SHC4: variants seen among roughly 807,000 people sequenced by gnomAD.
SHC4 encodes the protein SHC-transforming protein 4.
In SHC4, 41 loss-of-function variants were observed where a neutral mutation model predicts 69.4. The observed-to-expected ratio is 0.59, with a 90% CI of 0.46 to 0.77. The LOEUF (loss-of-function observed/expected upper bound fraction) is 0.77. Ranked by LOEUF, SHC4 falls within the 30% of genes least tolerant of loss-of-function variation. The probability of loss-of-function intolerance (pLI) is 0.00; values close to 1 mark genes in which losing one functional copy is unlikely to be tolerated. For synonymous variants in SHC4, 318 were observed against 299.3 expected, an observed-to-expected ratio of 1.06 and a Z score of -0.64; for missense variants, 777 against 783.8, an observed-to-expected ratio of 0.99 and a Z score of 0.10.
intron 9 of SHC4, among the ~76,000 whole-genome samples, chr15:48,848,031 C>CA (rs1219268239): frequency 0.01 from 1,479 of 143,042 alleles, 17 homozygotes; most frequent in African/African-American, 0.036. Context: ...AAAAAACAAA[C>CA]AAAAAAAACA....
rs1368126296 is a variant in SHC4, at chr15:48,946,659, T to C, written c.585+15772A>G. ...TTTTTCACTGGATGGCTGTTCCCCA[T>C]TCCTTGCTTATCTTTCTTGCTCTCT... is the stretch of plus-strand genomic sequence containing the variant. On this transcript the variant is annotated intron_variant, in intron 1 of 11. Transcript: ENST00000332408. 5 of 911,412 alleles carry C rather than the reference T, an allele frequency of 5.5e-6. No individual in the cohort carries two copies. In the African/African-American group the frequency reaches 9.0e-5, roughly 16 times the overall value. The allele number at this position is 911,412 out of a possible 1,614,324, so 56.5% of individuals were successfully genotyped here. A position where few individuals can be genotyped will look rare whatever the true frequency, so the allele number is the denominator to read the frequency against.
At chr15:48,845,259 A>T (rs1335826350) in intron 9 of SHC4, among the ~76,000 whole-genome samples, 1 of 152,196 alleles carries the variant, frequency 6.6e-6, no homozygotes, top group Non-Finnish European at 1.5e-5. Context: ...ATGGAAAGTA[A>T]GAATACATCA....
chr15:48,868,416 A>C (rs1056181908), intron 5 of SHC4, among the ~76,000 whole-genome samples: 1 of 152,204 alleles, frequency 6.6e-6, no homozygotes, highest in African/African-American at 2.4e-5. Flanking sequence ...TATTTGATCA[A>C]TATACAGAAA....
At chr15:48,888,515 T>C (rs1448448798) in intron 3 of SHC4, among the ~76,000 whole-genome samples, 1 of 152,016 alleles carries the variant, frequency 6.6e-6, no homozygotes, top group Admixed American at 6.6e-5. Flanking sequence ...TTTTGCAAGA[T>C]CAAAAGAGTT....
chr15:48,825,091 T>C lies in SHC4; in HGVS notation c.*880A>G, dbSNP rs1373736553. The C allele has an allele frequency of 1.3e-5, 2 of 152,560 alleles. No homozygotes were observed. Among genetic ancestry groups the C allele is most frequent in the South Asian group, 4.1e-4 (2 of 4,826 alleles). The allele number at this position is 152,560 out of a possible 1,614,324, so 9.5% of individuals were successfully genotyped here. A position where few individuals can be genotyped will look rare whatever the true frequency, so the allele number is the denominator to read the frequency against. On this transcript the variant is annotated 3_prime_UTR_variant, in exon 12 of 12. Coordinates refer to ENST00000332408, the MANE Select transcript of SHC4 (RefSeq NM_203349.4). ...CTAAGAATGAAACCAATTTGAATAG[T>C]AAATATGAAGAATACTGGTTTTGTT...
At chr15:48,886,374 A>T (rs1030032556) in intron 3 of SHC4, among the ~76,000 whole-genome samples, 2 of 152,182 alleles carry the variant, frequency 1.3e-5, no homozygotes, top group Admixed American at 6.5e-5. Flanking sequence ...TTTTGTTCTC[A>T]CCATAACCTT....
intron 11 of SHC4, 68 bp downstream of exon 11, chr15:48,834,701 G>A: frequency 6.3e-7 from 1 of 1,575,250 alleles, no homozygotes; most frequent in Non-Finnish European, 8.6e-7. Flanking sequence ...ACCAGGTTTT[G>A]GAAATCATTC....
intron 11 of SHC4, among the ~76,000 whole-genome samples, chr15:48,834,436 T>C (rs1450240945): frequency 6.6e-6 from 1 of 152,228 alleles, no homozygotes; most frequent in Non-Finnish European, 1.5e-5. Context: ...TTTATTAAAT[T>C]ATCAGCACTC....
chr15:48,832,921 CT>C (rs1380026297), intron 11 of SHC4, among the ~76,000 whole-genome samples: 2 of 152,028 alleles, frequency 1.3e-5, no homozygotes, highest in Non-Finnish European at 2.9e-5. Context: ...TTCTTTCTCT[CT>C]GTTGATATTC....
intron 1 of SHC4, among the ~76,000 whole-genome samples, chr15:48,935,298 C>A (rs149005446): frequency 0.01 from 1,525 of 152,228 alleles, 21 homozygotes; most frequent in African/African-American, 0.035. Context: ...CCTTTGGGAT[C>A]CCAGAACACC....
At chr15:48,948,878 C>T (rs1376363826) in intron 1 of SHC4, among the ~76,000 whole-genome samples, 3 of 151,998 alleles carry the variant, frequency 2.0e-5, no homozygotes, top group Non-Finnish European at 4.4e-5. Flanking sequence ...TGTATCCCAC[C>T]CTGGGTGACA....
intron 3 of SHC4, among the ~76,000 whole-genome samples, chr15:48,889,630 G>A (rs1222945583): frequency 6.6e-6 from 1 of 152,198 alleles, no homozygotes; most frequent in Non-Finnish European, 1.5e-5. Context: ...GGATCATGAG[G>A]TCAGGAGATC....
At chr15:48,904,440 A>G (rs1261532365) in intron 2 of SHC4, among the ~76,000 whole-genome samples, 1 of 152,232 alleles carries the variant, frequency 6.6e-6, no homozygotes, top group Non-Finnish European at 1.5e-5. Flanking sequence ...ACCATGTTTG[A>G]TCTCTTCAAC....
chr15:48,878,965 C>T, intron 4 of SHC4: 1 of 464,778 alleles, frequency 2.2e-6, no homozygotes, highest in Non-Finnish European at 4.0e-6. Context: ...AATCAATTAT[C>T]AAGAACGTCC....
chr15:48,899,908 T>C (rs1567064848), intron 2 of SHC4, among the ~76,000 whole-genome samples: 1 of 152,176 alleles, frequency 6.6e-6, no homozygotes, highest in Non-Finnish European at 1.5e-5. Flanking sequence ...TTAACAAACC[T>C]TCCAAGTGAT....
At chr15:48,856,203 G>A in intron 7 of SHC4, 79 bp from the exon 8 acceptor site, 1 of 1,349,948 alleles carries the variant, frequency 7.4e-7, no homozygotes, top group Non-Finnish European at 1.0e-6. Context: ...TCAGAACCAA[G>A]CAAATCATCC....
At chr15:48,940,786 G>T (rs536076145) in intron 1 of SHC4, among the ~76,000 whole-genome samples, 1 of 152,120 alleles carries the variant, frequency 6.6e-6, no homozygotes, top group Non-Finnish European at 1.5e-5. Context: ...GTCAGTGTTC[G>T]TTATACTGAA....
chr15:48,922,250 CT>C (rs1216307060), intron 2 of SHC4, among the ~76,000 whole-genome samples: 1 of 152,138 alleles, frequency 6.6e-6, no homozygotes, highest in Non-Finnish European at 1.5e-5. Context: ...GTCTTATTCA[CT>C]TGAACAGTTT....
chr15:48,882,209 G>A (rs1899959041), intron 4 of SHC4, among the ~76,000 whole-genome samples: 1 of 151,960 alleles, frequency 6.6e-6, no homozygotes, highest in African/African-American at 2.4e-5. Flanking sequence ...AAAGCTTCTT[G>A]AGTTGAGGCC....
Sources: allele counts gnomAD v4.1 joint callset (sites outside exome capture counted in the v4.1 genomes callset), GRCh38; gene constraint gnomAD v4.1.1; transcripts MANE v1.5; gene names NCBI Gene and HGNC (gene_info 2026-07-23, HGNC 2026-07-21).